Variants in SPOCK3 observed in about 807,000 individuals in gnomAD.
SPOCK3 encodes testican-3.
SPOCK3 carries 30 observed loss-of-function variants against 56.6 expected under a neutral mutation model. The observed-to-expected ratio is 0.53, with a 90% CI of 0.40 to 0.72. The LOEUF is 0.72. Ranked by LOEUF, SPOCK3 falls within the 30% of genes least tolerant of loss-of-function variation. The probability of loss-of-function intolerance (pLI) is 0.00; values close to 1 mark genes in which losing one functional copy is unlikely to be tolerated. For synonymous variants in SPOCK3, 196 were observed against 183.3 expected, an observed-to-expected ratio of 1.07 and a Z score of -0.56; for missense variants, 527 against 530.0, an observed-to-expected ratio of 0.99 and a Z score of 0.06.
intron 3 of SPOCK3, among the ~76,000 whole-genome samples, chr4:167,025,083 T>C (rs17052765): frequency 0.012 from 1,766 of 152,082 alleles, 36 homozygotes; most frequent in African/African-American, 0.041. Context: ...CCTCTAGAAA[T>C]AGATGCAGTG....
At chr4:166,966,903 T>G (rs143618161) in intron 4 of SPOCK3, among the ~76,000 whole-genome samples, 47 of 152,156 alleles carry the variant, frequency 3.1e-4, no homozygotes, top group Non-Finnish European at 6.0e-4. Flanking sequence ...TCATTTAGAG[T>G]GTCATGAGCC....
intron 6 of SPOCK3, among the ~76,000 whole-genome samples, chr4:166,822,186 G>C (rs988961732): frequency 1.3e-5 from 2 of 152,010 alleles, no homozygotes; most frequent in African/African-American, 2.4e-5. Context: ...CCTAGTGAGA[G>C]TCTACATAGC....
chr4:166,803,553 CTT>C (rs1289610302), intron 6 of SPOCK3, among the ~76,000 whole-genome samples: 2 of 152,162 alleles, frequency 1.3e-5, no homozygotes, highest in Non-Finnish European at 2.9e-5. Context: ...AGATGACAAA[CTT>C]TGTTGGAATA....
intron 2 of SPOCK3, among the ~76,000 whole-genome samples, chr4:167,122,502 A>G (rs1761952520): frequency 6.6e-6 from 1 of 152,008 alleles, no homozygotes; most frequent in South Asian, 2.1e-4. Flanking sequence ...TGTCATCCCT[A>G]TAGATAGAGA....
intron 3 of SPOCK3, among the ~76,000 whole-genome samples, chr4:167,030,101 C>CTATA (rs1218465118): frequency 6.6e-6 from 1 of 150,780 alleles, no homozygotes; most frequent in African/African-American, 2.5e-5. Context: ...ATCTATCTAT[C>CTATA]TATCTATCTA....
chr4:167,205,558 ATATAT>A (rs1315227145), intron 2 of SPOCK3, among the ~76,000 whole-genome samples: 1 of 56,038 alleles, frequency 1.8e-5, no homozygotes, highest in Non-Finnish European at 3.1e-5. Flanking sequence ...ATAATATATA[ATATAT>A]ATTATATATA....
At chr4:167,073,163 C>T (rs1756848584) in intron 2 of SPOCK3, among the ~76,000 whole-genome samples, 1 of 151,192 alleles carries the variant, frequency 6.6e-6, no homozygotes, top group Admixed American at 6.6e-5. Flanking sequence ...ATAACATTAT[C>T]TTAGTGTTCA....
intron 2 of SPOCK3, among the ~76,000 whole-genome samples, chr4:167,101,528 G>T (rs1292714542): frequency 2.0e-5 from 3 of 151,590 alleles, no homozygotes; most frequent in Non-Finnish European, 4.4e-5. Context: ...TATTATGCTT[G>T]CTAATTACCA....
intron 4 of SPOCK3, among the ~76,000 whole-genome samples, chr4:166,967,966 G>A (rs1176001576): frequency 6.6e-6 from 1 of 152,186 alleles, no homozygotes; most frequent in Non-Finnish European, 1.5e-5. Context: ...GACTTATTGG[G>A]AACTAGCGTA....
chr4:166,988,175 G>A (rs1747368062), intron 4 of SPOCK3, among the ~76,000 whole-genome samples: 2 of 152,050 alleles, frequency 1.3e-5, no homozygotes, highest in African/African-American at 2.4e-5. Flanking sequence ...ATATGCAGAA[G>A]AGGATGATGA....
chr4:166,964,265 G>C (rs1744463910), intron 4 of SPOCK3, among the ~76,000 whole-genome samples: 1 of 151,598 alleles, frequency 6.6e-6, no homozygotes, highest in Non-Finnish European at 1.5e-5. Flanking sequence ...ATTCATTATT[G>C]CATATGTTCT....
intron 8 of SPOCK3, among the ~76,000 whole-genome samples, chr4:166,746,798 A>C (rs1453475454): frequency 6.6e-6 from 1 of 151,994 alleles, no homozygotes; most frequent in Non-Finnish European, 1.5e-5. Context: ...ATGATAAAGG[A>C]GATATCACCA....
At chr4:166,792,991 A>G (rs535096482) in intron 6 of SPOCK3, among the ~76,000 whole-genome samples, 2 of 152,276 alleles carry the variant, frequency 1.3e-5, no homozygotes, top group African/African-American at 2.4e-5. Context: ...AGTTTATGCA[A>G]TAAGCAATTA....
chr4:166,762,818 GAAGACATATGAA>G lies in SPOCK3; in HGVS notation c.710-8101_710-8090del, dbSNP rs1395273840. On this transcript the variant is annotated intron_variant, in intron 7 of 10. Transcript: ENST00000357545. ...CAGAAGAAAAAAAATCCTTGAAACTGAAGACATATGAAAGACCTTATCCAAAATAAAGCACAT... is the reference window on the plus strand; with the variant it reads ...CAGAAGAAAAAAAATCCTTGAAACTGAGACCTTATCCAAAATAAAGCACAT... Among the ~76,000 whole-genome samples the G allele has an allele frequency of 5.3e-5, 8 of 152,126 alleles. No homozygotes were observed. In the East Asian group the frequency reaches 1.5e-3, roughly 29 times the overall value.
intron 2 of SPOCK3, among the ~76,000 whole-genome samples, chr4:167,230,645 T>A (rs1262627776): frequency 6.6e-6 from 1 of 152,112 alleles, no homozygotes; most frequent in Non-Finnish European, 1.5e-5. Context: ...ACTGTACTTA[T>A]GTTTAAATGT....
At chr4:167,067,941 A>G (rs1295248005) in intron 2 of SPOCK3, among the ~76,000 whole-genome samples, 1 of 151,568 alleles carries the variant, frequency 6.6e-6, no homozygotes, top group African/African-American at 2.4e-5. Flanking sequence ...TATTTCATTA[A>G]TGTATCACTG....
At chr4:166,775,586 T>A (rs981689969) in intron 7 of SPOCK3, among the ~76,000 whole-genome samples, 8 of 152,170 alleles carry the variant, frequency 5.3e-5, no homozygotes, top group Admixed American at 4.6e-4. Flanking sequence ...ATTTTCTAAA[T>A]GGGATACTGA....
chr4:167,026,939 A>G (rs778310297), intron 3 of SPOCK3, among the ~76,000 whole-genome samples: 1 of 150,942 alleles, frequency 6.6e-6, no homozygotes, highest in Admixed American at 6.7e-5. Context: ...CTTATATGAT[A>G]TGGTTTGTGC....
intron 6 of SPOCK3, among the ~76,000 whole-genome samples, chr4:166,886,856 T>C (rs180704214): frequency 6.6e-6 from 1 of 152,284 alleles, no homozygotes; most frequent in Non-Finnish European, 1.5e-5. Flanking sequence ...CTCAGTTTTA[T>C]ATTTCCCCTG....
Sources: allele counts gnomAD v4.1 joint callset (sites outside exome capture counted in the v4.1 genomes callset), GRCh38; gene constraint gnomAD v4.1.1; transcripts MANE v1.5; gene names NCBI Gene and HGNC (gene_info 2026-07-23, HGNC 2026-07-21).